CDH20: variants seen among roughly 807,000 people sequenced by gnomAD.
CDH20 encodes cadherin 20.
Under a neutral mutation model 74.2 loss-of-function variants are expected in CDH20, and 29 were observed. The observed-to-expected ratio is 0.39, with a 90% confidence interval of 0.29 to 0.53. The LOEUF (loss-of-function observed/expected upper bound fraction) is 0.53, where lower values mean the gene tolerates loss of function less well. CDH20 is among the 20% of genes least tolerant of loss of function. The pLI, the probability that CDH20 is intolerant of heterozygous loss-of-function variation, is 0.69. For missense variants in CDH20, 988 were observed against 1,048.3 expected, an observed-to-expected ratio of 0.94 and a Z score of 0.79; for synonymous variants, 469 against 405.4, an observed-to-expected ratio of 1.16 and a Z score of -1.88.
chr18:61,523,952 C>T (rs568308234), intron 6 of CDH20, among the ~76,000 whole-genome samples: 58 of 152,082 alleles, frequency 3.8e-4, no homozygotes, highest in African/African-American at 1.4e-3. Flanking sequence ...AGGAGAAATA[C>T]CTAATGTAGA....
intron 1 of CDH20, among the ~76,000 whole-genome samples, chr18:61,428,405 G>A (rs1431788572): frequency 1.3e-5 from 2 of 152,150 alleles, no homozygotes; most frequent in African/African-American, 2.4e-5. Flanking sequence ...AACATCATGG[G>A]CCATTTTTCT....
chr18:61,440,266 G>A (rs544095175), intron 1 of CDH20, among the ~76,000 whole-genome samples: 1 of 152,264 alleles, frequency 6.6e-6, no homozygotes, highest in East Asian at 1.9e-4. Context: ...ATATTTGCTT[G>A]CATAATTTAA....
intron 9 of CDH20, among the ~76,000 whole-genome samples, chr18:61,539,692 G>A (rs1912958147): frequency 6.6e-6 from 1 of 152,148 alleles, no homozygotes; most frequent in South Asian, 2.1e-4. Flanking sequence ...ATATCTTGCA[G>A]TAGGACAAGT....
intron 6 of CDH20, among the ~76,000 whole-genome samples, chr18:61,519,242 C>G (rs1331007549): frequency 1.3e-5 from 2 of 151,080 alleles, no homozygotes; most frequent in Admixed American, 1.3e-4. Flanking sequence ...GCAAGATAGG[C>G]CAACATTCAA....
chr18:61,526,822 CT>C (rs1403104254), intron 6 of CDH20, among the ~76,000 whole-genome samples: 1 of 152,228 alleles, frequency 6.6e-6, no homozygotes, highest in Non-Finnish European at 1.5e-5. Flanking sequence ...CGTCAGCATA[CT>C]CCAGGCTTCT....
chr18:61,447,452 AAG>A (rs1909239503), intron 1 of CDH20, among the ~76,000 whole-genome samples: 1 of 152,172 alleles, frequency 6.6e-6, no homozygotes, highest in Non-Finnish European at 1.5e-5. Flanking sequence ...TTGAAACATC[AAG>A]AGATCTAAGA....
chr18:61,478,823 G>C (rs1325220831), intron 1 of CDH20, among the ~76,000 whole-genome samples: 1 of 152,126 alleles, frequency 6.6e-6, no homozygotes, highest in African/African-American at 2.4e-5. Flanking sequence ...TTTCATAATA[G>C]ATCTTGAAAA....
rs763561765 is a variant in CDH20, at chr18:61,490,547, C to CA, written c.-5dup. 7 of 1,610,036 alleles carry CA rather than the reference C, an allele frequency of 4.3e-6. No individual in the cohort carries two copies. The Admixed American group carries it at 8.3e-5, about 19-fold the overall frequency. ...TCTCCTTCATTTTCTGAAAACCTGG[C>CA]AATCCCATGTGGACTTCTGGTAGAA... On this transcript the variant is annotated 5_prime_UTR_variant, in exon 2 of 12. Transcript: ENST00000262717.
At chr18:61,513,802 T>A (rs1911875852) in intron 6 of CDH20, among the ~76,000 whole-genome samples, 1 of 151,356 alleles carries the variant, frequency 6.6e-6, no homozygotes, top group Non-Finnish European at 1.5e-5. Flanking sequence ...GAAAATTTTT[T>A]TCTTTAAGAA....
rs532680440 is a variant in CDH20, at chr18:61,353,713, A to G, written c.-153+19886A>G. Among the ~76,000 whole-genome samples, 1 of 152,328 alleles carries G rather than the reference A, an allele frequency of 6.6e-6. No homozygotes were observed. Among genetic ancestry groups the G allele is most frequent in the Non-Finnish European group, 1.5e-5 (1 of 68,032 alleles). On this transcript the variant is annotated intron_variant, in intron 1 of 11. Transcript: ENST00000262717. The surrounding 1 kb of genome is among the most constrained non-coding windows in gnomAD (Gnocchi z 4.6). Reference sequence around the variant, plus strand: ...GAGATCACTCTTGATCTTGGCCTGCACTAGCCAATACAGCAGCTACTAACT... The same window carrying G: ...GAGATCACTCTTGATCTTGGCCTGCGCTAGCCAATACAGCAGCTACTAACT...
intron 1 of CDH20, among the ~76,000 whole-genome samples, chr18:61,342,652 CAT>C (rs916047948): frequency 1.3e-5 from 2 of 152,356 alleles, no homozygotes; most frequent in Non-Finnish European, 2.9e-5. Flanking sequence ...TGTCTCCAGA[CAT>C]TGCCAAATGT....
intron 11 of CDH20, 69 bp from the exon 12 acceptor site, chr18:61,554,121 C>T: frequency 3.9e-6 from 6 of 1,541,092 alleles, no homozygotes; most frequent in Non-Finnish European, 5.3e-6. Flanking sequence ...TGAATCAAGA[C>T]TACTTCTAGT....
chr18:61,374,474 T>C (rs956381291), intron 1 of CDH20, among the ~76,000 whole-genome samples: 2 of 152,116 alleles, frequency 1.3e-5, no homozygotes, highest in Admixed American at 1.3e-4. Flanking sequence ...TAGAAACAAA[T>C]TTGTGCACAT....
At chr18:61,483,862 C>T (rs1910671263) in intron 1 of CDH20, among the ~76,000 whole-genome samples, 1 of 152,194 alleles carries the variant, frequency 6.6e-6, no homozygotes. Context: ...GTCACTTCTT[C>T]AAGATTGCAT....
intron 2 of CDH20, among the ~76,000 whole-genome samples, chr18:61,493,336 A>C (rs1911025683): frequency 6.6e-6 from 1 of 152,064 alleles, no homozygotes; most frequent in Non-Finnish European, 1.5e-5. Context: ...TCCCTGTGAA[A>C]AGACTCTTCC....
At chr18:61,412,014 A>T (rs1599067196) in intron 1 of CDH20, among the ~76,000 whole-genome samples, 1 of 152,108 alleles carries the variant, frequency 6.6e-6, no homozygotes. Flanking sequence ...AAAAAATTTT[A>T]AAAATAATTT....
intron 1 of CDH20, among the ~76,000 whole-genome samples, chr18:61,418,686 A>G (rs1461060940): frequency 6.6e-6 from 1 of 152,114 alleles, no homozygotes; most frequent in Non-Finnish European, 1.5e-5. Flanking sequence ...GGCTATATAA[A>G]TTCTATTCAC....
intron 1 of CDH20, among the ~76,000 whole-genome samples, chr18:61,474,301 C>T (rs1910291824): frequency 6.6e-6 from 1 of 152,202 alleles, no homozygotes; most frequent in Admixed American, 6.5e-5. Flanking sequence ...AAGAGATGCT[C>T]ATCTTCTGTG....
intron 9 of CDH20, among the ~76,000 whole-genome samples, chr18:61,543,722 G>A (rs913447916): frequency 6.6e-6 from 1 of 152,182 alleles, no homozygotes; most frequent in Admixed American, 6.5e-5. Context: ...CCAACAAAAT[G>A]TGACTCTCTG....
Sources: allele counts gnomAD v4.1 joint callset (sites outside exome capture counted in the v4.1 genomes callset), GRCh38; gene constraint gnomAD v4.1.1; non-coding constraint Gnocchi (gnomAD v3.1); transcripts MANE v1.5; gene names NCBI Gene and HGNC (gene_info 2026-07-23, HGNC 2026-07-21).